ARHGEF18: variants seen among roughly 807,000 people sequenced by gnomAD.
The protein encoded by ARHGEF18 is rho guanine nucleotide exchange factor 18.
In ARHGEF18, 93 loss-of-function variants were observed where a neutral mutation model predicts 155.7. The ratio of observed to expected loss-of-function variants is 0.60; its 90% CI spans 0.50 to 0.71. The LOEUF is 0.71. Among genes scored for constraint, ARHGEF18 ranks in the 30% least tolerant of loss-of-function variants. The pLI, the probability that ARHGEF18 is intolerant of heterozygous loss-of-function variation, is 0.00. For synonymous variants in ARHGEF18, 742 were observed against 753.1 expected (o/e 0.99, Z 0.24); for missense variants, 1,593 against 1,816.1 (o/e 0.88, Z 2.23).
In ARHGEF18 at chr19:7,470,152, C is replaced by T; in HGVS notation, c.3940C>T (p.Pro1314Ser). 1 of 1,612,126 alleles carries T rather than the reference C, an allele frequency of 6.2e-7. No individual in the cohort carries two copies. Reference sequence around the variant, plus strand: ...CCCTGGCTTCCCCGCCCCGAGCCCACCGCCAGCTGACAGCCCCTCCGAGGG... The same window carrying T: ...CCCTGGCTTCCCCGCCCCGAGCCCATCGCCAGCTGACAGCCCCTCCGAGGG... ...PDPGFPAPSP[P>S]PADSPSEGFS... is the part of the protein sequence containing the mutation. The change falls in exon 29 of 29, where the codon CCG becomes TCG. Residue 1314 changes from proline to serine, a missense_variant. Coordinates refer to ENST00000668164, the MANE Select transcript of ARHGEF18 (RefSeq NM_001367823.1). This position sits in a 1 kb window ranked among gnomAD's most constrained non-coding sequence, Gnocchi z 5.9.
chr19:7,375,280 AAAAAG>A (rs1359132739), intron 3 of ARHGEF18, among the ~76,000 whole-genome samples: 3 of 143,570 alleles, frequency 2.1e-5, no homozygotes, highest in African/African-American at 7.6e-5. Flanking sequence ...TCAAAAAAAA[AAAAAG>A]AAAGAAAAGA....
intron 10 of ARHGEF18, among the ~76,000 whole-genome samples, chr19:7,435,622 C>T (rs1309970254): frequency 6.6e-6 from 1 of 152,112 alleles, no homozygotes; most frequent in Non-Finnish European, 1.5e-5. Flanking sequence ...GGTGCAGACC[C>T]TTTACTGTCT....
Position 7,440,092 on chromosome 19 carries a change from C to CAT in ARHGEF18, c.968-252_968-251insAT. 1 of 1,550,456 alleles carries CAT rather than the reference C, an allele frequency of 6.4e-7. No individual in the cohort carries two copies. The highest frequency in any genetic ancestry group is 1.2e-5 in the South Asian group (1 of 83,998). On this transcript the variant is annotated intron_variant, in intron 10 of 28. Coordinates refer to ENST00000668164, the MANE Select transcript of ARHGEF18 (RefSeq NM_001367823.1). This position sits in a 1 kb window ranked among gnomAD's most constrained non-coding sequence, Gnocchi z 5.4. ...GGCGCCGCGCCGGGTCCCGGAGCCC[C>CAT]GGGCGCGAACATGGGGAATGCGCAC...
At position 7,440,082 on chromosome 19, in the gene ARHGEF18, C is replaced by G. The variant is rs1280411158; in HGVS notation, c.968-262C>G. 6.5e-6 allele frequency: 10 copies of G among 1,550,182 alleles called. No individual in the cohort carries two copies. On this transcript the variant is annotated intron_variant, in intron 10 of 28. Coordinates refer to ENST00000668164, the MANE Select transcript of ARHGEF18 (RefSeq NM_001367823.1). This position sits in a 1 kb window ranked among gnomAD's most constrained non-coding sequence, Gnocchi z 5.4. Reference sequence around the variant, plus strand: ...AGCCCAGCCTGGCGCCGCGCCGGGTCCCGGAGCCCCGGGCGCGAACATGGG... The same window carrying G: ...AGCCCAGCCTGGCGCCGCGCCGGGTGCCGGAGCCCCGGGCGCGAACATGGG...
intron 13 of ARHGEF18, among the ~76,000 whole-genome samples, chr19:7,443,840 G>C (rs939000139): frequency 6.6e-6 from 1 of 151,846 alleles, no homozygotes; most frequent in Non-Finnish European, 1.5e-5. Flanking sequence ...GGAGGCGGAG[G>C]TTGCAGTGAG....
intron 8 of ARHGEF18, among the ~76,000 whole-genome samples, chr19:7,381,726 A>T (rs1970753587): frequency 1.4e-5 from 2 of 143,664 alleles, no homozygotes; most frequent in African/African-American, 2.8e-5. Context: ...AATAAATAAA[A>T]ATAAAAAGAG....
At chr19:7,459,080 T>C (rs1976033248) in intron 19 of ARHGEF18, among the ~76,000 whole-genome samples, 1 of 152,180 alleles carries the variant, frequency 6.6e-6, no homozygotes, top group South Asian at 2.1e-4. Context: ...AGTCTTGCTC[T>C]GTCACCCAGG....
At chr19:7,352,188 T>C (rs1055793912) in intron 1 of ARHGEF18, among the ~76,000 whole-genome samples, 4 of 152,052 alleles carry the variant, frequency 2.6e-5, no homozygotes, top group Non-Finnish European at 5.9e-5. Context: ...CCATAGAGCG[T>C]TTATTTTTGC....
intron 10 of ARHGEF18, among the ~76,000 whole-genome samples, chr19:7,396,598 C>G (rs1437646179): frequency 6.6e-6 from 1 of 151,944 alleles, no homozygotes; most frequent in Non-Finnish European, 1.5e-5. Context: ...GCCTGTAGTT[C>G]CAGCTACTCT....
At chr19:7,401,423 C>A (rs1334083369) in intron 10 of ARHGEF18, among the ~76,000 whole-genome samples, 1 of 152,178 alleles carries the variant, frequency 6.6e-6, no homozygotes, top group Non-Finnish European at 1.5e-5. Context: ...ATAGCTGGAA[C>A]CACAGGCACA....
chr19:7,385,862 TCTCTCTCTC>T (rs1199830726), intron 10 of ARHGEF18, among the ~76,000 whole-genome samples: 2 of 97,406 alleles, frequency 2.1e-5, no homozygotes, highest in African/African-American at 5.6e-5. Context: ...TCTCTCTCTC[TCTCTCTCTC>T]CCCCCTCCCT....
intron 10 of ARHGEF18, among the ~76,000 whole-genome samples, chr19:7,398,704 A>AAATAAAGAAAG (rs1555708478): frequency 4.8e-5 from 7 of 147,076 alleles, no homozygotes; most frequent in African/African-American, 1.6e-4. Context: ...AAAAAAAAAA[A>AAATAAAGAAAG]AAATAAAGAA....
At chr19:7,373,153 A>C (rs1234900607) in intron 3 of ARHGEF18, 82 bp downstream of exon 3, 1 of 1,231,360 alleles carries the variant, frequency 8.1e-7, no homozygotes, top group African/African-American at 1.6e-5. Flanking sequence ...CCAGGTCCTA[A>C]GACAAGCCAC....
intron 8 of ARHGEF18, among the ~76,000 whole-genome samples, chr19:7,381,913 C>T (rs991172869): frequency 1.3e-5 from 2 of 152,098 alleles, no homozygotes; most frequent in Non-Finnish European, 2.9e-5. Flanking sequence ...AGAAGCCACT[C>T]GGACTGGGAT....
intron 8 of ARHGEF18, among the ~76,000 whole-genome samples, chr19:7,382,581 G>A (rs1187795149): frequency 6.6e-6 from 1 of 152,040 alleles, no homozygotes; most frequent in African/African-American, 2.4e-5. Flanking sequence ...AGTCCCCAAA[G>A]CTCTTGCAAA....
chr19:7,437,720 G>A (rs1265102862), intron 10 of ARHGEF18, among the ~76,000 whole-genome samples: 4 of 145,732 alleles, frequency 2.7e-5, no homozygotes, highest in Non-Finnish European at 6.1e-5. Context: ...GTCAGCTCAC[G>A]GCAACCTCTG....
At chr19:7,355,068 T>TCACACACA (rs60457716) in intron 1 of ARHGEF18, among the ~76,000 whole-genome samples, 1 of 146,542 alleles carries the variant, frequency 6.8e-6, no homozygotes, top group African/African-American at 2.5e-5. Flanking sequence ...CCAATGGGCT[T>TCACACACA]CACACACACA....
At position 7,462,373 on chromosome 19, in the gene ARHGEF18, C is replaced by T. The variant is rs563877347; in HGVS notation, c.2635+39C>T. ...CCACACCTCAAGGGTGCAGTCTTGC[C>T]GGGGTGGGCTCCTCAGGGAACCCCA... is the stretch of plus-strand genomic sequence containing the variant. On this transcript the variant is annotated intron_variant, in intron 21 of 28. Coordinates refer to ENST00000668164, the MANE Select transcript of ARHGEF18 (RefSeq NM_001367823.1). This position sits in a 1 kb window ranked among gnomAD's most constrained non-coding sequence, Gnocchi z 4.4. 4.8e-5 allele frequency: 73 copies of T among 1,530,468 alleles called. No individual in the cohort carries two copies. The highest frequency in any genetic ancestry group is 4.5e-4 in the South Asian group (35 of 77,954). 94.8% of individuals were successfully genotyped at this position (1,530,468 alleles called of 1,614,324 possible).
At position 7,419,016 on chromosome 19, in the gene ARHGEF18, G is replaced by A. The variant is rs976299072; in HGVS notation, c.968-21328G>A. Among the ~76,000 whole-genome samples, 6 of 143,810 alleles carry A rather than the reference G, an allele frequency of 4.2e-5. No homozygotes were observed. In the East Asian group the frequency reaches 9.6e-4, roughly 23 times the overall value. The allele number at this position is 143,810 out of a possible 152,430, so 94.3% of individuals were successfully genotyped here. A position where few individuals can be genotyped will look rare whatever the true frequency, so the allele number is the denominator to read the frequency against. On this transcript the variant is annotated intron_variant, in intron 10 of 28. Transcript: ENST00000668164. ...CCTCACCCCAGGTGCACCCGCACTCGGCCTCTGTACCCCAGATGTACCCAC... is the reference window on the plus strand; with the variant it reads ...CCTCACCCCAGGTGCACCCGCACTCAGCCTCTGTACCCCAGATGTACCCAC...
Sources: gnomAD v4.1 joint callset for allele counts (sites outside exome capture counted in the v4.1 genomes callset) on GRCh38, gnomAD v4.1.1 for gene constraint, Gnocchi (gnomAD v3.1) non-coding constraint, MANE v1.5 for transcripts, NCBI Gene and HGNC (gene_info 2026-07-23, HGNC 2026-07-21) for gene names.